Variants in HHLA2 observed in about 807,000 individuals in gnomAD.
HHLA2 encodes the protein HHLA2 member of B7 family.
In HHLA2, 48 loss-of-function variants were observed where a neutral mutation model predicts 45.9. The observed-to-expected ratio is 1.05, with a 90% CI of 0.83 to 1.33. HHLA2 has a LOEUF of 1.33. Ranked by LOEUF, HHLA2 falls within the 40% of genes most tolerant of loss-of-function variation. The pLI, the probability that HHLA2 is intolerant of heterozygous loss-of-function variation, is 0.00. For synonymous variants in HHLA2, 161 were observed against 173.9 expected, an observed-to-expected ratio of 0.93 and a Z score of 0.59; for missense variants, 462 against 494.3, an observed-to-expected ratio of 0.93 and a Z score of 0.62.
At chr3:108,341,033 A>C (rs1366784923) in intron 3 of HHLA2, among the ~76,000 whole-genome samples, 1 of 149,038 alleles carries the variant, frequency 6.7e-6, no homozygotes, top group Non-Finnish European at 1.5e-5. Flanking sequence ...GCTCACTGCA[A>C]CCTCCGCCTC....
At chr3:108,355,601 G>C (rs2081875570) in intron 6 of HHLA2, among the ~76,000 whole-genome samples, 1 of 152,128 alleles carries the variant, frequency 6.6e-6, no homozygotes, top group South Asian at 2.1e-4. Flanking sequence ...TGATAAAATA[G>C]AAGTAATTCT....
chr3:108,305,341 A>C (rs1359753349), intron 1 of HHLA2, among the ~76,000 whole-genome samples: 1 of 152,172 alleles, frequency 6.6e-6, no homozygotes, highest in African/African-American at 2.4e-5. Flanking sequence ...ACGAGTAGTC[A>C]GAAAGACCCA....
intron 8 of HHLA2, among the ~76,000 whole-genome samples, chr3:108,370,468 C>A (rs536068596): frequency 1.3e-5 from 2 of 152,296 alleles, no homozygotes; most frequent in South Asian, 4.1e-4. Context: ...CGGAACAAAG[C>A]TGGACGGAGA....
intron 8 of HHLA2, among the ~76,000 whole-genome samples, chr3:108,364,082 T>C (rs1463670476): frequency 1.3e-5 from 2 of 152,074 alleles, no homozygotes; most frequent in African/African-American, 2.4e-5. Context: ...CCTATCAACC[T>C]GTCATCTAGG....
rs566769229 is a variant in HHLA2, at chr3:108,299,691, A to G, written c.-192+3092A>G. Among the ~76,000 whole-genome samples, 7 of 152,298 alleles carry G rather than the reference A, an allele frequency of 4.6e-5. No individual in the cohort carries two copies. In the South Asian group the frequency reaches 1.5e-3, roughly 32 times the overall value. On this transcript the variant is annotated intron_variant, in intron 1 of 10. Coordinates refer to ENST00000619531, the Ensembl canonical transcript of HHLA2. Reference sequence around the variant, plus strand: ...TAAGAGAGGAGGAAGGGACATAGAAAACTCAGATGACCCAAGTGGCAAGCA... The same window carrying G: ...TAAGAGAGGAGGAAGGGACATAGAAGACTCAGATGACCCAAGTGGCAAGCA...
At position 108,376,544 on chromosome 3, in the gene HHLA2, G is replaced by A. The variant is rs762903104; in HGVS notation, c.1211G>A (p.Gly404Asp). 1.7e-5 allele frequency: 27 copies of A among 1,612,178 alleles called. No individual in the cohort carries two copies. The African/African-American group carries it at 3.6e-4, about 22-fold the overall frequency. ...CGCTGTCCCAGTGCACCCGATAATG[G>A]CGAAGAAAATGTGGTAAGGCATTAT... Residue 404 changes from glycine (G) to aspartate (D), a missense_variant, in exon 10 of 11, where the codon GGC becomes GAC. Physicochemically the swap from Gly to Asp is moderately conservative, Grantham distance 94. This residue lies in a region of HHLA2 where 123 missense variants were observed against 110.5 expected (regional missense o/e 1.11). Transcript: ENST00000619531.
At chr3:108,300,391 A>C (rs2080830519) in intron 1 of HHLA2, among the ~76,000 whole-genome samples, 1 of 152,176 alleles carries the variant, frequency 6.6e-6, no homozygotes, top group East Asian at 1.9e-4. Context: ...TCAAAGATTC[A>C]GGTGCAAGTG....
At chr3:108,371,014 AC>A (rs2082160660) in intron 8 of HHLA2, among the ~76,000 whole-genome samples, 1 of 152,198 alleles carries the variant, frequency 6.6e-6, no homozygotes, top group Non-Finnish European at 1.5e-5. Context: ...CAACTCCAAG[AC>A]ACATAATTGG....
chr3:108,361,384 G>A (rs1004627497), intron 7 of HHLA2, among the ~76,000 whole-genome samples: 21 of 151,910 alleles, frequency 1.4e-4, no homozygotes, highest in African/African-American at 4.6e-4. Context: ...GATGCTACCC[G>A]CCTGTTAGCC....
At chr3:108,314,357 A>AG (rs34157041) in intron 2 of HHLA2, among the ~76,000 whole-genome samples, 3 of 151,046 alleles carry the variant, frequency 2.0e-5, no homozygotes, top group African/African-American at 7.3e-5. Context: ...AAAAAAAAAA[A>AG]TTCCTACTCC....
At chr3:108,297,220 T>G (rs2080775122) in intron 1 of HHLA2, among the ~76,000 whole-genome samples, 1 of 152,216 alleles carries the variant, frequency 6.6e-6, no homozygotes, top group Non-Finnish European at 1.5e-5. Context: ...TGTTTGGGAC[T>G]TTGGATAATA....
At chr3:108,355,229 C>G (rs1471813431) in exon 6 of HHLA2, 1 of 1,613,864 alleles carries the variant, frequency 6.2e-7, no homozygotes, top group South Asian at 1.1e-5. Flanking sequence ...GACAACACAC[C>G]TATCTCTGAA....
chr3:108,345,874 G>T (rs573672132), intron 3 of HHLA2, among the ~76,000 whole-genome samples: 1 of 152,146 alleles, frequency 6.6e-6, no homozygotes, highest in Non-Finnish European at 1.5e-5. Context: ...ACCACTGGGG[G>T]GCAACTTATA....
intron 6 of HHLA2, among the ~76,000 whole-genome samples, chr3:108,356,705 C>T (rs1168952726): frequency 6.6e-6 from 1 of 152,194 alleles, no homozygotes; most frequent in East Asian, 1.9e-4. Context: ...AAAGCTATTA[C>T]GTGCCAAGTT....
At chr3:108,363,669 G>A (rs1410450365) in intron 8 of HHLA2, among the ~76,000 whole-genome samples, 5 of 152,146 alleles carry the variant, frequency 3.3e-5, no homozygotes, top group Non-Finnish European at 5.9e-5. Context: ...AAGATCAACC[G>A]TTGACCTAAT....
At chr3:108,328,178 T>A (rs2081321686) in intron 2 of HHLA2, 1 of 576,166 alleles carries the variant, frequency 1.7e-6, no homozygotes, top group African/African-American at 1.9e-5. Flanking sequence ...TTTGGTATAA[T>A]ATTTTCTTCC....
chr3:108,377,378 G>A, exon 11 of HHLA2: 1 of 858,736 alleles, frequency 1.2e-6, no homozygotes, highest in South Asian at 1.5e-5. Context: ...TGGCCTGTCG[G>A]AGCAGACAAT....
intron 2 of HHLA2, among the ~76,000 whole-genome samples, chr3:108,321,028 A>G (rs1391852266): frequency 6.7e-6 from 1 of 148,540 alleles, no homozygotes; most frequent in Admixed American, 6.9e-5. Context: ...ATTTATTAGC[A>G]AATTGTCAAG....
intron 1 of HHLA2, among the ~76,000 whole-genome samples, chr3:108,298,921 T>TA (rs76700051): frequency 0.17 from 25,412 of 152,152 alleles, 3,458 homozygotes; most frequent in East Asian, 0.75. Flanking sequence ...TTCCTTGCTT[T>TA]AATACTTCTG....
Sources: allele counts gnomAD v4.1 joint callset (sites outside exome capture counted in the v4.1 genomes callset), GRCh38; gene constraint gnomAD v4.1.1; regional missense constraint gnomAD v4.1.1; transcripts MANE v1.5; gene names NCBI Gene and HGNC (gene_info 2026-07-23, HGNC 2026-07-21).